CTNNA2: variants seen among roughly 807,000 people sequenced by gnomAD.
The protein encoded by CTNNA2 is catenin alpha-2.
CTNNA2 carries 42 observed loss-of-function variants against 101.0 expected under a neutral mutation model. The ratio of observed to expected loss-of-function variants is 0.42; its 90% CI spans 0.32 to 0.54. CTNNA2 has a LOEUF of 0.54. Among genes scored for constraint, CTNNA2 ranks in the 20% least tolerant of loss-of-function variants. CTNNA2 has a pLI of 0.14. For missense variants in CTNNA2, 871 were observed against 1,223.1 expected, an observed-to-expected ratio of 0.71 and a Z score of 4.29; for synonymous variants, 450 against 456.4, an observed-to-expected ratio of 0.99 and a Z score of 0.18.
rs565984578 is a variant in CTNNA2 at position 79,694,752 on chromosome 2, C to A, written c.102+43094C>A. Among the ~76,000 whole-genome samples, 5 of 152,000 alleles carry A rather than the reference C, an allele frequency of 3.3e-5. No homozygotes were observed. The South Asian group carries it at 1.0e-3, about 31-fold the overall frequency. Reference sequence around the variant, plus strand: ...TGTTCTAAATTCTTTCATGTCCCCACATAAAGAACTAAAAGTAATTTTAAT... The same window carrying A: ...TGTTCTAAATTCTTTCATGTCCCCAAATAAAGAACTAAAAGTAATTTTAAT... On this transcript the variant is annotated intron_variant, in intron 2 of 18. Transcript: ENST00000402739.
chr2:79,624,041 T>C (rs925196271), intron 1 of CTNNA2, among the ~76,000 whole-genome samples: 53 of 152,094 alleles, frequency 3.5e-4, no homozygotes, highest in Non-Finnish European at 6.9e-4. Context: ...TCTTTCCCCT[T>C]GCCCACTTCT....
intron 2 of CTNNA2, among the ~76,000 whole-genome samples, chr2:79,725,503 C>G (rs1686781115): frequency 6.6e-6 from 1 of 152,178 alleles, no homozygotes; most frequent in Non-Finnish European, 1.5e-5. Flanking sequence ...TGAATATTCA[C>G]TTACATCTTT....
chr2:79,348,349 A>C (rs1481960726), intron 3 of CTNNA2, among the ~76,000 whole-genome samples: 1 of 152,216 alleles, frequency 6.6e-6, no homozygotes, highest in Non-Finnish European at 1.5e-5. Context: ...TGGAAGTGAC[A>C]GTTGTTTTGG....
chr2:80,616,538 G>A (rs962288493), intron 17 of CTNNA2: 3 of 151,642 alleles, frequency 2.0e-5, no homozygotes, highest in Non-Finnish European at 3.0e-5. Flanking sequence ...TAACCTCAAA[G>A]ATTTGAGACC....
intron 3 of CTNNA2, among the ~76,000 whole-genome samples, chr2:79,845,642 C>A (rs1680176159): frequency 6.6e-6 from 1 of 152,148 alleles, no homozygotes; most frequent in African/African-American, 2.4e-5. Flanking sequence ...AGAAGCCCAT[C>A]TGAGATTCAT....
At chr2:80,645,131 C>T (rs569007265) in intron 18 of CTNNA2, among the ~76,000 whole-genome samples, 4 of 152,098 alleles carry the variant, frequency 2.6e-5, no homozygotes, top group South Asian at 4.1e-4. Flanking sequence ...ATCAATGAAA[C>T]GTCCCTGTCA....
At chr2:79,973,069 G>GA (rs1359082534) in intron 7 of CTNNA2, among the ~76,000 whole-genome samples, 4 of 151,968 alleles carry the variant, frequency 2.6e-5, no homozygotes, top group African/African-American at 7.3e-5. Context: ...ATTCAAAAGA[G>GA]AAAAAACAAT....
At chr2:79,263,648 G>A (rs1394611143) in intron 2 of CTNNA2, among the ~76,000 whole-genome samples, 1 of 152,178 alleles carries the variant, frequency 6.6e-6, no homozygotes, top group African/African-American at 2.4e-5. Flanking sequence ...AGTATTGAGA[G>A]GCAGGACCTT....
intron 9 of CTNNA2, among the ~76,000 whole-genome samples, chr2:80,535,442 C>A (rs558293829): frequency 6.6e-6 from 1 of 152,200 alleles, no homozygotes; most frequent in East Asian, 1.9e-4. Context: ...GTTAACTAAT[C>A]TCTTATTGCA....
At chr2:80,342,524 A>C (rs554407142) in intron 7 of CTNNA2, among the ~76,000 whole-genome samples, 33 of 152,352 alleles carry the variant, frequency 2.2e-4, no homozygotes, top group Admixed American at 6.5e-4. Flanking sequence ...CATACAAATT[A>C]CAATGATAGA....
intron 9 of CTNNA2, among the ~76,000 whole-genome samples, chr2:80,526,216 T>C (rs1016363922): frequency 6.6e-6 from 1 of 152,094 alleles, no homozygotes; most frequent in African/African-American, 2.4e-5. Flanking sequence ...TTTTCTTTTT[T>C]TGAGACAGAG....
At chr2:80,113,437 A>C (rs1402342847) in intron 7 of CTNNA2, among the ~76,000 whole-genome samples, 3 of 152,208 alleles carry the variant, frequency 2.0e-5, no homozygotes, top group Non-Finnish European at 2.9e-5. Flanking sequence ...CTTTTCTATA[A>C]ATTGCAGATC....
chr2:79,410,336 A>G (rs1395121248), intron 4 of CTNNA2, among the ~76,000 whole-genome samples: 3 of 144,772 alleles, frequency 2.1e-5, no homozygotes, highest in Non-Finnish European at 4.5e-5. Flanking sequence ...TTCCAACACT[A>G]TGTTGAATAG....
intron 2 of CTNNA2, among the ~76,000 whole-genome samples, chr2:79,294,289 G>T (rs1456710389): frequency 6.6e-6 from 1 of 151,936 alleles, no homozygotes; most frequent in Non-Finnish European, 1.5e-5. Flanking sequence ...CAAATTCAAG[G>T]AGAAAGAGAG....
At chr2:80,494,476 G>A (rs1687289961) in intron 9 of CTNNA2, among the ~76,000 whole-genome samples, 1 of 152,092 alleles carries the variant, frequency 6.6e-6, no homozygotes, top group Admixed American at 6.6e-5. Context: ...AGTATTAGAT[G>A]CATGGTGGGG....
intron 3 of CTNNA2, among the ~76,000 whole-genome samples, chr2:79,771,185 C>T (rs369833250): frequency 1.3e-4 from 20 of 152,184 alleles, no homozygotes; most frequent in African/African-American, 4.8e-4. Flanking sequence ...TAAACTTAAT[C>T]CTTGTAGATG....
At chr2:80,386,541 A>G (rs1216527671) in intron 7 of CTNNA2, among the ~76,000 whole-genome samples, 4 of 152,214 alleles carry the variant, frequency 2.6e-5, no homozygotes, top group Admixed American at 6.5e-5. Flanking sequence ...TCCAAAAATG[A>G]TAGTGTGACT....
intron 4 of CTNNA2, among the ~76,000 whole-genome samples, chr2:79,400,747 G>T (rs1678281856): frequency 6.6e-6 from 1 of 151,756 alleles, no homozygotes. Flanking sequence ...GGACATAATG[G>T]TCAAAAACTT....
chr2:79,405,467 AG>A (rs1331662453), intron 4 of CTNNA2, among the ~76,000 whole-genome samples: 1 of 152,004 alleles, frequency 6.6e-6, no homozygotes, highest in African/African-American at 2.4e-5. Context: ...CTGGGATTAC[AG>A]GTGTGCACCA....
Sources: allele counts gnomAD v4.1 joint callset (sites outside exome capture counted in the v4.1 genomes callset), GRCh38; gene constraint gnomAD v4.1.1; transcripts MANE v1.5; gene names NCBI Gene and HGNC (gene_info 2026-07-23, HGNC 2026-07-21).